Variants in PTPN1 observed in about 807,000 individuals in gnomAD.
PTPN1 encodes tyrosine-protein phosphatase non-receptor type 1.
Under a neutral mutation model 59.9 loss-of-function variants are expected in PTPN1, and 12 were observed. The observed-to-expected ratio is 0.20, with a 90% CI of 0.13 to 0.32. The LOEUF (loss-of-function observed/expected upper bound fraction) is 0.32, where lower values mean the gene tolerates loss of function less well. Ranked by LOEUF, PTPN1 falls within the 10% of genes least tolerant of loss-of-function variation. The pLI, the probability that PTPN1 is intolerant of heterozygous loss-of-function variation, is 1.00. For synonymous variants in PTPN1, 178 were observed against 203.6 expected, an observed-to-expected ratio of 0.87 and a Z score of 1.07; for missense variants, 356 against 549.2, an observed-to-expected ratio of 0.65 and a Z score of 3.52.
chr20:50,529,403 A>G (rs1453274521), intron 1 of PTPN1, among the ~76,000 whole-genome samples: 3 of 152,212 alleles, frequency 2.0e-5, no homozygotes, highest in Admixed American at 1.3e-4. Flanking sequence ...TGGTAGTCCA[A>G]TATAAAAGTA....
Position 50,581,476 on chromosome 20 carries a change from CAG to C in PTPN1, c.1284+18_1284+19del. 1 of 1,588,040 alleles carries C rather than the reference CAG, an allele frequency of 6.3e-7. No individual in the cohort carries two copies. The highest frequency in any genetic ancestry group is 8.6e-7 in the Non-Finnish European group (1 of 1,159,454). On this transcript the variant is annotated intron_variant, in intron 9 of 9. Coordinates refer to ENST00000371621, the MANE Select transcript of PTPN1 (RefSeq NM_002827.4). ...CTGCTACAGGGTATGTTTCCACTGACAGACGCGCTGGCGAGATGCTCGTGTGC... is the reference window on the plus strand; with the variant it reads ...CTGCTACAGGGTATGTTTCCACTGACACGCGCTGGCGAGATGCTCGTGTGC...
intron 1 of PTPN1, among the ~76,000 whole-genome samples, chr20:50,532,812 A>G (rs190289242): frequency 4.0e-4 from 61 of 152,170 alleles, no homozygotes; most frequent in Admixed American, 3.5e-3. Flanking sequence ...ATCATTTCCA[A>G]TTAAGTTTCA....
chr20:50,563,647 A>G (rs1207014893), intron 2 of PTPN1, among the ~76,000 whole-genome samples: 2 of 152,216 alleles, frequency 1.3e-5, no homozygotes, highest in Non-Finnish European at 2.9e-5. Flanking sequence ...TTTCAAAGAC[A>G]TCTCTCTTTG....
At chr20:50,555,042 C>T (rs2122769030) in intron 1 of PTPN1, among the ~76,000 whole-genome samples, 1 of 152,162 alleles carries the variant, frequency 6.6e-6, no homozygotes, top group South Asian at 2.1e-4. Flanking sequence ...AAGCATGACC[C>T]AACTACATGC....
intron 1 of PTPN1, among the ~76,000 whole-genome samples, chr20:50,530,807 C>T (rs924693633): frequency 2.6e-5 from 4 of 152,040 alleles, no homozygotes; most frequent in African/African-American, 9.7e-5. Context: ...GATCCTCCTG[C>T]CTCAGCCTCC....
At chr20:50,518,854 C>CATCAGGTTTAAACAAGCATA (rs2082539757) in intron 1 of PTPN1, among the ~76,000 whole-genome samples, 1 of 152,050 alleles carries the variant, frequency 6.6e-6, no homozygotes, top group Admixed American at 6.6e-5. Flanking sequence ...AGCATAAAAC[C>CATCAGGTTTAAACAAGCATA]AAATTTTTGG....
intron 8 of PTPN1, among the ~76,000 whole-genome samples, chr20:50,580,456 T>C (rs2082861801): frequency 6.6e-6 from 1 of 152,202 alleles, no homozygotes; most frequent in African/African-American, 2.4e-5. Context: ...CTAGACCATC[T>C]TGCTGGGAAA....
At chr20:50,554,752 A>T (rs961433101) in intron 1 of PTPN1, among the ~76,000 whole-genome samples, 2 of 152,206 alleles carry the variant, frequency 1.3e-5, no homozygotes, top group Admixed American at 1.3e-4. Context: ...ACCATCGTGA[A>T]TTCGATGCAT....
intron 1 of PTPN1, among the ~76,000 whole-genome samples, chr20:50,532,217 G>A (rs1040647812): frequency 1.3e-5 from 2 of 152,206 alleles, no homozygotes; most frequent in African/African-American, 2.4e-5. Context: ...CCATGAGTTT[G>A]TTTTTTAAAT....
intron 1 of PTPN1, among the ~76,000 whole-genome samples, chr20:50,552,334 A>G (rs1484208002): frequency 6.6e-6 from 1 of 152,206 alleles, no homozygotes; most frequent in Non-Finnish European, 1.5e-5. Context: ...AAGATGAGGG[A>G]TTCGCCAGAA....
intron 1 of PTPN1, among the ~76,000 whole-genome samples, chr20:50,510,958 T>C (rs1383852700): frequency 6.6e-6 from 1 of 152,022 alleles, no homozygotes; most frequent in Non-Finnish European, 1.5e-5. Flanking sequence ...TATTTCCTTT[T>C]CTGGAGTGGA....
chr20:50,567,051 C>T (rs1485417263), intron 3 of PTPN1, among the ~76,000 whole-genome samples: 1 of 152,118 alleles, frequency 6.6e-6, no homozygotes, highest in Non-Finnish European at 1.5e-5. Context: ...TCAAGATGAG[C>T]TCAGGAAAGA....
At chr20:50,528,915 G>A (rs1489248651) in intron 1 of PTPN1, among the ~76,000 whole-genome samples, 2 of 152,048 alleles carry the variant, frequency 1.3e-5, no homozygotes, top group Non-Finnish European at 2.9e-5. Flanking sequence ...TTTACACTTT[G>A]TTTTCTCTGT....
rs551621918 is a variant in PTPN1 at position 50,538,070 on chromosome 20, C to T, written c.64-23293C>T. On this transcript the variant is annotated intron_variant, in intron 1 of 9. Transcript: ENST00000371621. The stretch of plus-strand genomic sequence containing the variant: ...GCTGCCTCTCTGGGGAACAAATAAC[C>T]GAAAAGATACTCAGCACCCTGGTTG... Among the ~76,000 whole-genome samples, 23 of 152,130 alleles carry T rather than the reference C, an allele frequency of 1.5e-4. No individual in the cohort carries two copies. The South Asian group carries it at 4.2e-3, about 27-fold the overall frequency.
intron 1 of PTPN1, among the ~76,000 whole-genome samples, chr20:50,546,264 C>A (rs1383936046): frequency 6.6e-6 from 1 of 152,146 alleles, no homozygotes; most frequent in Admixed American, 6.5e-5. Flanking sequence ...AGTTGATGCT[C>A]AGTCGATATT....
intron 1 of PTPN1, among the ~76,000 whole-genome samples, chr20:50,516,348 G>T (rs894726635): frequency 6.6e-6 from 1 of 151,972 alleles, no homozygotes; most frequent in Non-Finnish European, 1.5e-5. Flanking sequence ...GGGTATAGTT[G>T]CAGTCTCAGC....
intron 1 of PTPN1, among the ~76,000 whole-genome samples, chr20:50,524,569 C>CTTTTTTGTTTTTTTT (rs2082565248): frequency 2.2e-5 from 1 of 45,782 alleles, no homozygotes; most frequent in African/African-American, 1.1e-4. Flanking sequence ...ATTATGTGGT[C>CTTTTTTGTTTTTTTT]TTTTTTTTTT....
intron 1 of PTPN1, among the ~76,000 whole-genome samples, chr20:50,532,952 G>A (rs1601392920): frequency 6.6e-6 from 1 of 152,190 alleles, no homozygotes; most frequent in Admixed American, 6.5e-5. Flanking sequence ...TTTGGGCCTG[G>A]CTGTCTTCAT....
intron 1 of PTPN1, among the ~76,000 whole-genome samples, chr20:50,561,135 C>T (rs755514353): frequency 2.6e-5 from 4 of 152,160 alleles, no homozygotes; most frequent in Non-Finnish European, 5.9e-5. Flanking sequence ...TCCCTCCTGT[C>T]TGTCTCTCTG....
Sources: allele counts gnomAD v4.1 joint callset (sites outside exome capture counted in the v4.1 genomes callset), GRCh38; gene constraint gnomAD v4.1.1; transcripts MANE v1.5; gene names NCBI Gene and HGNC (gene_info 2026-07-23, HGNC 2026-07-21).